Variants in NKAIN1 observed in about 807,000 individuals in gnomAD.
NKAIN1 encodes the protein sodium/potassium transporting ATPase interacting 1.
A neutral mutation model predicts 31.6 loss-of-function variants in NKAIN1; 13 were observed. The ratio of observed to expected loss-of-function variants is 0.41; its 90% CI spans 0.27 to 0.65. The LOEUF is 0.65. Among genes scored for constraint, NKAIN1 ranks in the 30% least tolerant of loss-of-function variants. The pLI is 0.30. For missense variants in NKAIN1, 193 were observed against 262.2 expected (o/e 0.74, Z 1.82); for synonymous variants, 104 against 109.0 (o/e 0.95, Z 0.28).
chr1:31,205,291 C>T (rs1253852308), intron 1 of NKAIN1, among the ~76,000 whole-genome samples: 1 of 151,672 alleles, frequency 6.6e-6, no homozygotes, highest in Non-Finnish European at 1.5e-5. Flanking sequence ...CCACCACACC[C>T]AGCTAATTTT....
At position 31,181,775 on chromosome 1, in the gene NKAIN1, G is replaced by T. The variant is rs372528801; in HGVS notation, c.615-63C>A. 12 of 1,546,590 alleles carry T rather than the reference G, an allele frequency of 7.8e-6. No homozygotes were observed. In the African/African-American group the frequency reaches 1.2e-4, roughly 16 times the overall value. On this transcript the variant is annotated intron_variant, in intron 6 of 6. Transcript: ENST00000373736. ...CAAAAGTATGGGGGCGGAGAGACCC[G>T]GTTGCCCTGCCCACTCCTCCATCCC...
intron 1 of NKAIN1, among the ~76,000 whole-genome samples, chr1:31,208,417 T>C (rs971256414): frequency 3.3e-5 from 5 of 152,206 alleles, no homozygotes; most frequent in African/African-American, 1.2e-4. Context: ...CGGCTTCCTT[T>C]CGTGAAGATT....
intron 1 of NKAIN1, among the ~76,000 whole-genome samples, chr1:31,214,036 T>A (rs10798830): frequency 0.55 from 82,124 of 149,046 alleles, 25,811 homozygotes; most frequent in Middle Eastern, 0.82. Flanking sequence ...ATTAATTAAT[T>A]AATTAAACAA....
intron 1 of NKAIN1, among the ~76,000 whole-genome samples, chr1:31,224,622 A>G (rs1392882018): frequency 6.6e-6 from 1 of 152,220 alleles, no homozygotes; most frequent in African/African-American, 2.4e-5. Context: ...GAATAAAAGG[A>G]AGTTAACAAG....
At chr1:31,194,860 C>T (rs1363169875) in intron 1 of NKAIN1, among the ~76,000 whole-genome samples, 2 of 148,300 alleles carry the variant, frequency 1.3e-5, no homozygotes, top group Admixed American at 1.4e-4. Flanking sequence ...CAATCTCTGC[C>T]TCCCAGGTTC....
At chr1:31,186,362 CAA>C (rs543332474) in intron 2 of NKAIN1, among the ~76,000 whole-genome samples, 14 of 72,524 alleles carry the variant, frequency 1.9e-4, no homozygotes, top group Non-Finnish European at 1.7e-4. Flanking sequence ...AACTCCGTCT[CAA>C]AAAAAAAAAA....
intron 1 of NKAIN1, among the ~76,000 whole-genome samples, chr1:31,198,894 G>T (rs999653033): frequency 6.6e-6 from 1 of 152,208 alleles, no homozygotes. Context: ...AGGGACAAGG[G>T]CTGAATAATG....
At chr1:31,204,841 G>A (rs1258906881) in intron 1 of NKAIN1, among the ~76,000 whole-genome samples, 1 of 152,074 alleles carries the variant, frequency 6.6e-6, no homozygotes, top group Non-Finnish European at 1.5e-5. Flanking sequence ...TGGAAGTGAT[G>A]GGGGGAAGGC....
At chr1:31,206,707 G>T (rs894038712) in intron 1 of NKAIN1, among the ~76,000 whole-genome samples, 1 of 151,974 alleles carries the variant, frequency 6.6e-6, no homozygotes, top group African/African-American at 2.4e-5. Context: ...AAAGTGCAGG[G>T]ATTATAGGTG....
At chr1:31,212,238 T>C (rs1645475336) in intron 1 of NKAIN1, among the ~76,000 whole-genome samples, 1 of 152,114 alleles carries the variant, frequency 6.6e-6, no homozygotes, top group Non-Finnish European at 1.5e-5. Context: ...CTGGGACAAC[T>C]GGATACTCAC....
intron 1 of NKAIN1, among the ~76,000 whole-genome samples, chr1:31,234,194 A>G (rs1159953495): frequency 6.6e-6 from 1 of 152,190 alleles, no homozygotes; most frequent in African/African-American, 2.4e-5. Context: ...ATGAGGAACA[A>G]AAGGGGCCAG....
chr1:31,228,689 G>A (rs1213507725), intron 1 of NKAIN1, among the ~76,000 whole-genome samples: 5 of 152,028 alleles, frequency 3.3e-5, no homozygotes, highest in African/African-American at 7.3e-5. Flanking sequence ...GACCTCCTGG[G>A]CTCAAGTGAT....
chr1:31,200,725 G>A (rs1215849565), intron 1 of NKAIN1, among the ~76,000 whole-genome samples: 3 of 152,034 alleles, frequency 2.0e-5, no homozygotes, highest in Non-Finnish European at 4.4e-5. Context: ...GGCCTCTCAA[G>A]GTGTTGGGAT....
intron 1 of NKAIN1, among the ~76,000 whole-genome samples, chr1:31,226,091 G>A (rs1370015910): frequency 6.6e-6 from 1 of 152,256 alleles, no homozygotes; most frequent in East Asian, 1.9e-4. Context: ...TGCTTGATAA[G>A]TGGTAGTTGT....
intron 1 of NKAIN1, among the ~76,000 whole-genome samples, chr1:31,220,003 A>AT (rs11453918): frequency 0.16 from 20,049 of 127,292 alleles, 2,043 homozygotes; most frequent in East Asian, 0.36. Context: ...GAACACTCAG[A>AT]TTTTTTTTTT....
chr1:31,186,842 G>A (rs1483140798), intron 2 of NKAIN1, among the ~76,000 whole-genome samples: 1 of 152,262 alleles, frequency 6.6e-6, no homozygotes, highest in East Asian at 1.9e-4. Flanking sequence ...AGCAATGCTA[G>A]GTCAGCACTG....
At chr1:31,208,634 GGA>G (rs1491262383) in intron 1 of NKAIN1, among the ~76,000 whole-genome samples, 84,139 of 146,096 alleles carry the variant, frequency 0.58, 25,975 homozygotes, top group Middle Eastern at 0.81. Context: ...CATAGTGGGG[GGA>G]GGGGGCCCTG....
At chr1:31,232,526 C>A (rs1475288628) in intron 1 of NKAIN1, among the ~76,000 whole-genome samples, 3 of 144,484 alleles carry the variant, frequency 2.1e-5, no homozygotes, top group Non-Finnish European at 4.6e-5. Context: ...TGGGCTCAAG[C>A]GATCCTTCCA....
intron 1 of NKAIN1, chr1:31,193,679 G>A (rs1218211903): frequency 6.6e-6 from 1 of 152,094 alleles, no homozygotes; most frequent in Non-Finnish European, 1.5e-5. Flanking sequence ...CTGGGTGAAA[G>A]TGCGAAATTC....
Sources: allele counts gnomAD v4.1 joint callset (sites outside exome capture counted in the v4.1 genomes callset), GRCh38; gene constraint gnomAD v4.1.1; transcripts MANE v1.5; gene names NCBI Gene and HGNC (gene_info 2026-07-23, HGNC 2026-07-21).